TP53BP1: variants seen among roughly 807,000 people sequenced by gnomAD.
The protein encoded by TP53BP1 is TP53-binding protein 1.
In TP53BP1, 61 loss-of-function variants were observed where a neutral mutation model predicts 200.8. That is an observed-to-expected ratio of 0.30 (90% CI 0.25 to 0.38). The LOEUF is 0.38. Ranked by LOEUF, TP53BP1 falls within the 10% of genes least tolerant of loss-of-function variation. The pLI, the probability that TP53BP1 is intolerant of heterozygous loss-of-function variation, is 1.00. For missense variants in TP53BP1, 2,144 were observed against 2,371.9 expected, an observed-to-expected ratio of 0.90 and a Z score of 2.00; for synonymous variants, 822 against 844.3, an observed-to-expected ratio of 0.97 and a Z score of 0.46.
chr15:43,478,752 T>C (rs562715410), intron 7 of TP53BP1, among the ~76,000 whole-genome samples: 4 of 152,314 alleles, frequency 2.6e-5, no homozygotes, highest in East Asian at 1.9e-4. Context: ...TCCTCAAGTA[T>C]AGAAACAGTA....
At chr15:43,435,840 C>T (rs370515168) in intron 16 of TP53BP1, among the ~76,000 whole-genome samples, 3 of 151,934 alleles carry the variant, frequency 2.0e-5, no homozygotes, top group Admixed American at 6.6e-5. Flanking sequence ...AGACTACAAG[C>T]GTGGACGACC....
intron 13 of TP53BP1, 176 bp from the exon 14 acceptor site, chr15:43,446,766 C>A: frequency 6.6e-7 from 1 of 1,510,876 alleles, no homozygotes; most frequent in South Asian, 1.3e-5. Context: ...GTATTGACAC[C>A]TGGTCTTAAG....
At chr15:43,453,484 G>A (rs1321795417) in intron 12 of TP53BP1, among the ~76,000 whole-genome samples, 1 of 151,582 alleles carries the variant, frequency 6.6e-6, no homozygotes, top group Non-Finnish European at 1.5e-5. Context: ...GTTAAGAAGA[G>A]ACTAAATCCA....
chr15:43,415,976 ATGAC>A (rs1309313056), intron 22 of TP53BP1, among the ~76,000 whole-genome samples, 167 bp from the exon 23 acceptor site: 3 of 152,180 alleles, frequency 2.0e-5, no homozygotes, highest in African/African-American at 7.2e-5. Context: ...AGTCTTTGCC[ATGAC>A]TGAAATGTGT....
upstream of TP53BP1, chr15:43,493,200 TG>T: frequency 6.9e-7 from 1 of 1,455,944 alleles, no homozygotes; most frequent in Non-Finnish European, 9.1e-7. Flanking sequence ...GTCCATTCGC[TG>T]CCGCCGCCCG....
At chr15:43,504,172 C>T (rs2079224457) in intron 1 of TP53BP1, among the ~76,000 whole-genome samples, 1 of 152,164 alleles carries the variant, frequency 6.6e-6, no homozygotes, top group African/African-American at 2.4e-5. Context: ...GAGACAGAGT[C>T]TTGCTCTGTT....
chr15:43,454,130 G>C (rs1448779041), intron 12 of TP53BP1, among the ~76,000 whole-genome samples: 1 of 151,506 alleles, frequency 6.6e-6, no homozygotes, highest in Non-Finnish European at 1.5e-5. Context: ...GCTTGAACCC[G>C]GGAGGCAGAG....
intron 23 of TP53BP1, among the ~76,000 whole-genome samples, chr15:43,413,887 T>C (rs1025731650): frequency 2.6e-5 from 4 of 152,106 alleles, no homozygotes; most frequent in Non-Finnish European, 5.9e-5. Context: ...GTGCAGAGAA[T>C]ACTTGGTAAT....
Position 43,446,436 on chromosome 15 carries a change from A to C in TP53BP1, c.2991T>G (p.Val997=), listed in dbSNP as rs1291336712. ...DDKLCLRMKL[V]SPETEASEES... is the part of the protein sequence containing the mutation. ...CTTCACTCGCCTCAGTCTCAGGACT[A>C]ACCAGTTTCATTCTTAGACATAATT... The change falls in exon 14 of 28, where the codon GTT becomes GTG. Residue 997 remains valine, a synonymous_variant. Transcript: ENST00000382044. 1 of 1,614,196 alleles carries C rather than the reference A, an allele frequency of 6.2e-7. No individual in the cohort carries two copies. Among genetic ancestry groups the C allele is most frequent in the Admixed American group, 1.7e-5 (1 of 60,020 alleles).
At chr15:43,484,084 T>C (rs537960970) in intron 4 of TP53BP1, among the ~76,000 whole-genome samples, 7 of 152,308 alleles carry the variant, frequency 4.6e-5, no homozygotes, top group Admixed American at 1.3e-4. Flanking sequence ...GCACAATGTT[T>C]CATATGTTTA....
At chr15:43,451,332 C>T (rs1469035569) in intron 12 of TP53BP1, among the ~76,000 whole-genome samples, 5 of 151,996 alleles carry the variant, frequency 3.3e-5, no homozygotes, top group Non-Finnish European at 7.4e-5. Flanking sequence ...TATCCCTCCC[C>T]CGTCCCCCCA....
At position 43,475,589 on chromosome 15, in the gene TP53BP1, G is replaced by A; in HGVS notation, c.1061C>T (p.Ser354Phe). Reference sequence around the variant, plus strand: ...CGTGGAAAGACTGTCCTGAACAAGGGACCTCTGACCAGAGAGCTGCAGGAG... The same window carrying A: ...CGTGGAAAGACTGTCCTGAACAAGGAACCTCTGACCAGAGAGCTGCAGGAG... ...LHLLQLSGQR[S>F]LVQDSLSTNS... Residue 354 changes from serine (S) to phenylalanine (F), a missense_variant, in exon 9 of 28, where the codon TCC becomes TTC. Ser to Phe is a radical substitution (Grantham distance 155). This residue lies in a region of TP53BP1 where 1,700 missense variants were observed against 1,710.3 expected (regional missense o/e 0.99). Coordinates refer to ENST00000382044, the MANE Select transcript of TP53BP1 (RefSeq NM_001141980.3). 6.2e-7 allele frequency: 1 copy of A among 1,614,130 alleles called. No individual in the cohort carries two copies. The highest frequency in any genetic ancestry group is 1.3e-5 in the African/African-American group (1 of 75,048).
chr15:43,486,341 A>T (rs2079047034), intron 4 of TP53BP1, among the ~76,000 whole-genome samples: 1 of 152,132 alleles, frequency 6.6e-6, no homozygotes, highest in Admixed American at 6.5e-5. Context: ...ATGCCATTGC[A>T]CTCTGCCTGG....
intron 18 of TP53BP1, 115 bp downstream of exon 18, chr15:43,427,901 G>A: frequency 1.3e-6 from 1 of 742,968 alleles, no homozygotes; most frequent in Admixed American, 2.5e-5. Context: ...AGGCTGCAGT[G>A]AAACAAAATC....
At chr15:43,492,963 G>T in intron 1 of TP53BP1, 74 bp downstream of exon 1, 2 of 1,261,302 alleles carry the variant, frequency 1.6e-6, no homozygotes, top group Non-Finnish European at 2.1e-6. Flanking sequence ...CGCCCCCTCC[G>T]GTCAGCCATC....
At chr15:43,501,503 C>G (rs564347375) in intron 1 of TP53BP1, among the ~76,000 whole-genome samples, 3 of 152,214 alleles carry the variant, frequency 2.0e-5, no homozygotes, top group African/African-American at 7.2e-5. Context: ...CATGGGCCAC[C>G]GTGCTTGGCC....
At chr15:43,409,410 ATCT>A (rs2045037706) in intron 25 of TP53BP1, 1 of 536,952 alleles carries the variant, frequency 1.9e-6, no homozygotes, top group Non-Finnish European at 3.3e-6. Flanking sequence ...ATAAACATCA[ATCT>A]TCTTTTGTCC....
chr15:43,464,105 C>A (rs553337612), intron 11 of TP53BP1, among the ~76,000 whole-genome samples: 1 of 152,280 alleles, frequency 6.6e-6, no homozygotes, highest in African/African-American at 2.4e-5. Context: ...CAATAAGACC[C>A]AACCACCCAC....
In TP53BP1 at chr15:43,420,920, G is replaced by A. The variant is rs1244509537; in HGVS notation, c.4250+105C>T. 4 of 1,425,068 alleles carry A rather than the reference G, an allele frequency of 2.8e-6. No homozygotes were observed. The African/African-American group carries it at 4.3e-5, about 15-fold the overall frequency. 88.3% of individuals were successfully genotyped at this position (1,425,068 alleles called of 1,614,324 possible). On this transcript the variant is annotated intron_variant, in intron 20 of 27. Coordinates refer to ENST00000382044, the MANE Select transcript of TP53BP1 (RefSeq NM_001141980.3). ...CCCTGCCCACTCCCCAGTCAGTATG[G>A]CCCCTCTTCTCCCTCCTGACACCCC...
Sources: allele counts gnomAD v4.1 joint callset (sites outside exome capture counted in the v4.1 genomes callset), GRCh38; gene constraint gnomAD v4.1.1; regional missense constraint gnomAD v4.1.1; transcripts MANE v1.5; gene names NCBI Gene and HGNC (gene_info 2026-07-23, HGNC 2026-07-21).